The following COL27A1 variants were observed in gnomAD, a reference collection of about 807,000 sequenced individuals.
The protein encoded by COL27A1 is collagen alpha-1(XXVII) chain.
COL27A1 carries 106 observed loss-of-function variants against 251.3 expected under a neutral mutation model. That is an observed-to-expected ratio of 0.42 (90% CI 0.36 to 0.50). The LOEUF is 0.50. Ranked by LOEUF, COL27A1 falls within the 20% of genes least tolerant of loss-of-function variation. The probability of loss-of-function intolerance (pLI) is 0.00; values close to 1 mark genes in which losing one functional copy is unlikely to be tolerated. For synonymous variants in COL27A1, 1,000 were observed against 986.3 expected, an observed-to-expected ratio of 1.01 and a Z score of -0.26; for missense variants, 2,325 against 2,522.8, an observed-to-expected ratio of 0.92 and a Z score of 1.68.
chr9:114,283,824 C>T (rs1398551669), intron 40 of COL27A1, 62 bp downstream of exon 40: 6 of 1,548,720 alleles, frequency 3.9e-6, no homozygotes, highest in Non-Finnish European at 4.4e-6. Flanking sequence ...AAACACAGGC[C>T]CATGCCAGCC....
intron 60 of COL27A1, 53 bp from the exon 61 acceptor site, chr9:114,310,496 G>A (rs765619547): frequency 6.2e-7 from 1 of 1,600,016 alleles, no homozygotes; most frequent in Non-Finnish European, 8.6e-7. Flanking sequence ...TGCTCATGAT[G>A]TATGATAAGA....
chr9:114,300,562 G>T (rs1252335889), intron 50 of COL27A1, 63 bp from the exon 51 acceptor site: 3 of 1,347,476 alleles, frequency 2.2e-6, no homozygotes, highest in African/African-American at 3.0e-5. Flanking sequence ...GGGTGAGGGA[G>T]CTGTGGGGGC....
At chr9:114,247,067 C>T (rs1201379871) in intron 24 of COL27A1, among the ~76,000 whole-genome samples, 1 of 152,006 alleles carries the variant, frequency 6.6e-6, no homozygotes, top group African/African-American at 2.4e-5. Flanking sequence ...GGATCCCCTT[C>T]TCAGAATAGA....
Position 114,183,174 on chromosome 9 carries a change from A to G in COL27A1, c.2016+99A>G, listed in dbSNP as rs10759688. 3.9e-5 allele frequency: 45 copies of G among 1,142,108 alleles called. No individual in the cohort carries two copies. In the East Asian group the frequency reaches 1.0e-3, roughly 26 times the overall value. The allele number at this position is 1,142,108 out of a possible 1,614,324, so 70.7% of individuals were successfully genotyped here. A position where few individuals can be genotyped will look rare whatever the true frequency, so the allele number is the denominator to read the frequency against. On this transcript the variant is annotated intron_variant, in intron 5 of 60. Coordinates refer to ENST00000356083, the MANE Select transcript of COL27A1 (RefSeq NM_032888.4). The stretch of plus-strand genomic sequence containing the variant: ...GTGCCTGGTGGGAGGGCTTCAGGGG[A>G]ACTGAGGGGGATTCCCGCCTAAGCC...
Position 114,168,216 on chromosome 9 carries a change from G to A in COL27A1, c.661G>A (p.Val221Met), listed in dbSNP as rs1849038693. 3.7e-6 allele frequency: 6 copies of A among 1,613,870 alleles called. No individual in the cohort carries two copies. The highest frequency in any genetic ancestry group is 5.1e-6 in the Non-Finnish European group (6 of 1,180,034). Residue 221 changes from valine to methionine, a missense_variant, in exon 3 of 61, where the codon GTG (valine) becomes ATG (methionine). Val to Met is a conservative substitution (Grantham distance 21, BLOSUM62 1). Coordinates refer to ENST00000356083, the MANE Select transcript of COL27A1 (RefSeq NM_032888.4). The part of the protein sequence containing the change: ...GALCQFSIYP[V>M]TQVAHNYCTH... ...TCTCTGCCAGTTCAGTATCTACCCT[G>A]TGACGCAGGTCGCTCACAATTACTG...
At chr9:114,240,369 T>G (rs1832675093) in intron 20 of COL27A1, 65 bp from the exon 21 acceptor site, 2 of 1,593,602 alleles carry the variant, frequency 1.3e-6, no homozygotes, top group African/African-American at 2.7e-5. Context: ...GGGGTTGCCT[T>G]GCCAGCCTGC....
intron 30 of COL27A1, 46 bp from the exon 31 acceptor site, chr9:114,265,020 G>A (rs757263522): frequency 1.1e-5 from 17 of 1,612,744 alleles, no homozygotes; most frequent in South Asian, 2.2e-5. Flanking sequence ...TCCCTGCTCC[G>A]TGCTTTGTGA....
rs375470657 is a variant in COL27A1 at position 114,257,598 on chromosome 9, A to G, written c.3142-943A>G. Among the ~76,000 whole-genome samples, 10 of 151,208 alleles carry G rather than the reference A, an allele frequency of 6.6e-5. No individual in the cohort carries two copies. In the East Asian group the frequency reaches 1.4e-3, roughly 21 times the overall value. ...TTGTCGTCTGTTCATCAAAACCAAG[A>G]TGGCTGCCCATTTGCCCGGGGCTGG... On this transcript the variant is annotated intron_variant, in intron 27 of 60. Coordinates refer to ENST00000356083, the MANE Select transcript of COL27A1 (RefSeq NM_032888.4).
intron 12 of COL27A1, among the ~76,000 whole-genome samples, chr9:114,212,274 G>T (rs1434807229): frequency 1.3e-5 from 2 of 152,230 alleles, no homozygotes; most frequent in Non-Finnish European, 2.9e-5. Flanking sequence ...AGAGGGCTGG[G>T]CTGGCACATG....
intron 33 of COL27A1, 82 bp from the exon 34 acceptor site, chr9:114,267,422 C>G: frequency 8.0e-7 from 1 of 1,253,666 alleles, no homozygotes. Flanking sequence ...TTCTCTTGCC[C>G]TCTTGGAGCC....
intron 60 of COL27A1, 151 bp from the exon 61 acceptor site, chr9:114,310,398 G>A (rs910425656): frequency 1.7e-5 from 13 of 746,602 alleles, no homozygotes; most frequent in Non-Finnish European, 2.9e-5. Flanking sequence ...AAAAAGAGTG[G>A]AAGCAATCTA....
At chr9:114,269,006 T>C in intron 34 of COL27A1, 1 of 501,384 alleles carries the variant, frequency 2.0e-6, no homozygotes, top group South Asian at 3.5e-5. Flanking sequence ...GATGATGGTG[T>C]TGGTGCTAAT....
At position 114,302,090 on chromosome 9, in the gene COL27A1, A is replaced by G. The variant is rs1187684738; in HGVS notation, c.4854A>G (p.Pro1618=). ...PRGRPGPPGP[P]GGPIQLQQDD... Reference sequence around the variant, plus strand: ...GCAGTCTTCTTTTGCAGGGTCCTCCAGGGGGTCCTATCCAATTGGTAAGTT... The same window carrying G: ...GCAGTCTTCTTTTGCAGGGTCCTCCGGGGGGTCCTATCCAATTGGTAAGTT... Residue 1618 remains proline (P), a synonymous_variant, in exon 56 of 61, where the codon CCA becomes CCG. Transcript: ENST00000356083. The G allele has an allele frequency of 2.5e-6, 4 of 1,612,440 alleles. No individual in the cohort carries two copies. The highest frequency in any genetic ancestry group is 3.4e-6 in the Non-Finnish European group (4 of 1,178,498).
At chr9:114,179,926 C>T (rs1827770836) in intron 4 of COL27A1, among the ~76,000 whole-genome samples, 1 of 151,184 alleles carries the variant, frequency 6.6e-6, no homozygotes, top group African/African-American at 2.4e-5. Context: ...GCAGCCTCCA[C>T]CTCCCAGGTT....
At chr9:114,202,465 A>G (rs1235342351) in intron 7 of COL27A1, among the ~76,000 whole-genome samples, 1 of 152,186 alleles carries the variant, frequency 6.6e-6, no homozygotes, top group African/African-American at 2.4e-5. Context: ...TCAGCTCTTC[A>G]CTGGGAAAAA....
intron 7 of COL27A1, among the ~76,000 whole-genome samples, chr9:114,197,215 T>C (rs1021487173): frequency 6.6e-6 from 1 of 152,118 alleles, no homozygotes; most frequent in Admixed American, 6.5e-5. Flanking sequence ...ACAGCTGAAC[T>C]CTCTCTAGGC....
chr9:114,291,848 G>A (rs1281203783), intron 48 of COL27A1, among the ~76,000 whole-genome samples: 1 of 152,182 alleles, frequency 6.6e-6, no homozygotes. Flanking sequence ...AAAGCAATAA[G>A]GAGGAGAGGA....
Position 114,242,213 on chromosome 9 carries a change from AG to A in COL27A1, c.2866del (p.Ala956ProfsTer22). On this transcript the variant is annotated frameshift_variant, in exon 22 of 61. Coordinates refer to ENST00000356083, the MANE Select transcript of COL27A1 (RefSeq NM_032888.4). LOFTEE classifies it high-confidence loss of function. The stretch of plus-strand genomic sequence containing the variant: ...GAGATGAGGGACCCATGGGGCCGCC[AG>A]GGGCCCCTGGCTTGGAGGTGAGTGT... ...EGDEGPMGPPGAPGLEGQPGR... is the reference protein window; with the variant it reads ...EGDEGPMGPPXAPGLEGQPGR... The A allele has an allele frequency of 1.3e-6, 2 of 1,557,298 alleles. No individual in the cohort carries two copies. Among genetic ancestry groups the A allele is most frequent in the Admixed American group, 1.7e-5 (1 of 57,316 alleles).
chr9:114,292,692 G>A (rs1249734), intron 49 of COL27A1, among the ~76,000 whole-genome samples: 97,794 of 152,176 alleles, frequency 0.64, 33,953 homozygotes, highest in East Asian at 0.88. Flanking sequence ...AACTACATCT[G>A]CTGCTACAAG....
Sources: gnomAD v4.1 joint callset for allele counts (sites outside exome capture counted in the v4.1 genomes callset) on GRCh38, gnomAD v4.1.1 for gene constraint, MANE v1.5 for transcripts, NCBI Gene and HGNC (gene_info 2026-07-23, HGNC 2026-07-21) for gene names.